Variants in CEP70 observed in about 807,000 individuals in gnomAD.
The protein encoded by CEP70 is centrosomal protein 70, also known as centrosomal protein of 70 kDa.
A neutral mutation model predicts 90.9 loss-of-function variants in CEP70; 70 were observed. The ratio of observed to expected loss-of-function variants is 0.77; its 90% CI spans 0.64 to 0.94. The LOEUF (loss-of-function observed/expected upper bound fraction) is 0.94. Among genes scored for constraint, CEP70 ranks in the 40% least tolerant of loss-of-function variants. The pLI, the probability that CEP70 is intolerant of heterozygous loss-of-function variation, is 0.00. For synonymous variants in CEP70, 220 were observed against 228.3 expected, an observed-to-expected ratio of 0.96 and a Z score of 0.33; for missense variants, 648 against 669.0, an observed-to-expected ratio of 0.97 and a Z score of 0.35.
At chr3:138,542,583 G>A (rs62280701) in intron 6 of CEP70, among the ~76,000 whole-genome samples, 6,784 of 152,286 alleles carry the variant, frequency 0.045, 223 homozygotes, top group Non-Finnish European at 0.068. Context: ...ATTGCATGGC[G>A]CAGCCACCAG....
Position 138,520,211 on chromosome 3 carries a change from T to G in CEP70, c.944+5279A>C, listed in dbSNP as rs923068931. Among the ~76,000 whole-genome samples the G allele has an allele frequency of 1.3e-3, 205 of 152,256 alleles. 1 individual carries two copies. The highest frequency in any genetic ancestry group is 2.5e-3 in the Non-Finnish European group (169 of 68,022). ...GTCCTTAGAGACCTACAAAGAGACT[T>G]AGACTCCCACACAATAATAATGGGA... On this transcript the variant is annotated intron_variant, in intron 11 of 17. Transcript: ENST00000264982.
At chr3:138,495,773 A>G in intron 17 of CEP70, 2 of 552,946 alleles carry the variant, frequency 3.6e-6, no homozygotes, top group East Asian at 2.9e-4. Flanking sequence ...AATTGCTTGA[A>G]CCCCAGAGGC....
Position 138,537,217 on chromosome 3 carries a change from T to C in CEP70, c.596A>G (p.Tyr199Cys), listed in dbSNP as rs756042185. ...RIVTQNRVFA[Y>C]LCKRVPHTVL... ...GGTATGAGGAACTCTTTTGCACAGA[T>C]AGGCAAACACTCTGTTTTGAGTGAC... Residue 199 changes from tyrosine (Y) to cysteine (C), a missense_variant, in exon 7 of 18, where the codon TAT becomes TGT. Coordinates refer to ENST00000264982, the MANE Select transcript of CEP70 (RefSeq NM_024491.4). The C allele has an allele frequency of 5.6e-6, 9 of 1,599,340 alleles. No individual in the cohort carries two copies. Among genetic ancestry groups the C allele is most frequent in the South Asian group, 1.1e-5 (1 of 87,554 alleles).
intron 11 of CEP70, among the ~76,000 whole-genome samples, chr3:138,524,579 C>G (rs949964065): frequency 5.3e-5 from 8 of 152,282 alleles, no homozygotes; most frequent in Admixed American, 5.2e-4. Context: ...AAAAACCAAA[C>G]AACCCCATCA....
At chr3:138,580,893 C>T (rs1261031212) in intron 2 of CEP70, among the ~76,000 whole-genome samples, 1 of 151,916 alleles carries the variant, frequency 6.6e-6, no homozygotes, top group Non-Finnish European at 1.5e-5. Context: ...AAGAATGCAT[C>T]AGAGCCTCTT....
At chr3:138,560,112 C>T (rs113569626) in intron 6 of CEP70, among the ~76,000 whole-genome samples, 73 of 152,262 alleles carry the variant, frequency 4.8e-4, no homozygotes, top group African/African-American at 1.6e-3. Context: ...AGCTCCCCAG[C>T]GAGATCGATG....
chr3:138,591,796 A>G, intron 2 of CEP70, 58 bp downstream of exon 2: 1 of 1,394,884 alleles, frequency 7.2e-7, no homozygotes, highest in Non-Finnish European at 9.8e-7. Context: ...CTCAATAAAT[A>G]TTAGATTTTT....
At chr3:138,497,553 C>A in intron 17 of CEP70, 2 of 963,482 alleles carry the variant, frequency 2.1e-6, no homozygotes, top group Non-Finnish European at 1.2e-6. Flanking sequence ...TCAATCTGAC[C>A]CTCAGTATAA....
At chr3:138,495,937 C>G in intron 17 of CEP70, 2 of 985,350 alleles carry the variant, frequency 2.0e-6, no homozygotes, top group Non-Finnish European at 2.4e-6. Flanking sequence ...AGAGCTTAGC[C>G]TGGTCCAGCT....
intron 6 of CEP70, among the ~76,000 whole-genome samples, chr3:138,548,486 G>A (rs2039381669): frequency 6.6e-6 from 1 of 152,150 alleles, no homozygotes; most frequent in Non-Finnish European, 1.5e-5. Context: ...AGGTTCCCTG[G>A]TTATATCCAG....
chr3:138,570,633 G>A (rs1361743811), intron 5 of CEP70, 135 bp from the exon 6 acceptor site: 9 of 669,566 alleles, frequency 1.3e-5, no homozygotes, highest in Non-Finnish European at 2.2e-5. Flanking sequence ...GGAACCAGAA[G>A]TGATTCATAT....
chr3:138,517,349 G>A (rs2036126859), intron 11 of CEP70, among the ~76,000 whole-genome samples: 1 of 152,086 alleles, frequency 6.6e-6, no homozygotes, highest in African/African-American at 2.4e-5. Flanking sequence ...CCACTAGTAG[G>A]TAGCATAAGC....
At chr3:138,529,531 T>A in intron 8 of CEP70, 69 bp from the exon 9 acceptor site, 1 of 879,594 alleles carries the variant, frequency 1.1e-6, no homozygotes, top group Non-Finnish European at 1.8e-6. Context: ...ATTAAACCAA[T>A]GTAATGAGGG....
chr3:138,536,216 C>T (rs992460047), intron 7 of CEP70, among the ~76,000 whole-genome samples: 1 of 152,002 alleles, frequency 6.6e-6, no homozygotes, highest in Non-Finnish European at 1.5e-5. Context: ...ATCCATACTA[C>T]TTATATTGCT....
In CEP70 at chr3:138,529,395, T is replaced by C; in HGVS notation, c.760A>G (p.Thr254Ala). The C allele has an allele frequency of 6.2e-7, 1 of 1,610,168 alleles. No individual in the cohort carries two copies. Among genetic ancestry groups the C allele is most frequent in the Non-Finnish European group, 8.5e-7 (1 of 1,177,888 alleles). ...NDYRNLDASP[T>A]YKGLLMSLQN... The stretch of plus-strand genomic sequence containing the variant: ...CATACCATTAAAAGGCCTTTATAAG[T>C]TGGTGAGGCATCCAGATTTCTGTAG... Residue 254 changes from threonine to alanine, a missense_variant, in exon 9 of 18, where the codon ACT (threonine) becomes GCT (alanine). Transcript: ENST00000264982.
intron 11 of CEP70, among the ~76,000 whole-genome samples, chr3:138,521,206 T>C (rs1003420125): frequency 1.3e-5 from 2 of 152,180 alleles, no homozygotes; most frequent in African/African-American, 4.8e-5. Flanking sequence ...AGTGCTGAGA[T>C]TGCAGCCTCT....
chr3:138,538,213 G>C (rs766922360), intron 6 of CEP70, among the ~76,000 whole-genome samples: 1 of 152,130 alleles, frequency 6.6e-6, no homozygotes, highest in Non-Finnish European at 1.5e-5. Flanking sequence ...ATGGAAGGTG[G>C]GAATAGCAGC....
At chr3:138,495,437 G>C (rs2033892776) in intron 17 of CEP70, among the ~76,000 whole-genome samples, 1 of 152,214 alleles carries the variant, frequency 6.6e-6, no homozygotes, top group African/African-American at 2.4e-5. Context: ...TGAAATCCCA[G>C]GTAGAGGCGT....
rs185753562 is a variant in CEP70, at chr3:138,562,742, C to T, written c.465+7576G>A. Among the ~76,000 whole-genome samples the T allele has an allele frequency of 3.1e-3, 470 of 152,154 alleles. 1 individual carries two copies. The highest frequency in any genetic ancestry group is 6.6e-3 in the South Asian group (32 of 4,822). On this transcript the variant is annotated intron_variant, in intron 6 of 17. Transcript: ENST00000264982. Reference sequence around the variant, plus strand: ...GAAAGGAACAACCAGTACCAGCCACCGCAAAATCATACCAAACTGTAAAGA... The same window carrying T: ...GAAAGGAACAACCAGTACCAGCCACTGCAAAATCATACCAAACTGTAAAGA...
Sources: allele counts gnomAD v4.1 joint callset (sites outside exome capture counted in the v4.1 genomes callset), GRCh38; gene constraint gnomAD v4.1.1; transcripts MANE v1.5; gene names NCBI Gene and HGNC (gene_info 2026-07-23, HGNC 2026-07-21).